Variants in CADM1 observed in about 807,000 individuals in gnomAD.
CADM1 encodes the protein TSLC-1.
CADM1 carries 15 observed loss-of-function variants against 53.1 expected under a neutral mutation model. That is an observed-to-expected ratio of 0.28 (90% confidence interval 0.19 to 0.44). The LOEUF is 0.44. CADM1 is among the 20% of genes least tolerant of loss of function. The pLI is 1.00. For synonymous variants in CADM1, 281 were observed against 243.0 expected, an observed-to-expected ratio of 1.16 and a Z score of -1.45; for missense variants, 434 against 611.3, an observed-to-expected ratio of 0.71 and a Z score of 3.06.
intron 1 of CADM1, among the ~76,000 whole-genome samples, chr11:115,268,297 G>A (rs1340763190): frequency 1.3e-5 from 2 of 152,166 alleles, no homozygotes; most frequent in African/African-American, 4.8e-5. Flanking sequence ...TTTGGCCACT[G>A]TACTAAAGTA....
chr11:115,193,235 ACTT>A (rs1939977782), intron 9 of CADM1, among the ~76,000 whole-genome samples: 1 of 152,222 alleles, frequency 6.6e-6, no homozygotes. Flanking sequence ...GTGGGAAATT[ACTT>A]CTTGTGTATT....
intron 1 of CADM1, among the ~76,000 whole-genome samples, chr11:115,419,521 A>G (rs1947700749): frequency 6.6e-6 from 1 of 152,194 alleles, no homozygotes; most frequent in Admixed American, 6.5e-5. Context: ...TTTAACAATT[A>G]TTACAAATTA....
At chr11:115,204,753 G>GC (rs1940599132) in intron 8 of CADM1, among the ~76,000 whole-genome samples, 1 of 152,110 alleles carries the variant, frequency 6.6e-6, no homozygotes, top group African/African-American at 2.4e-5. Flanking sequence ...ATCACTGAAG[G>GC]ATAAAGGCTA....
chr11:115,208,656 T>C (rs1232814015), intron 8 of CADM1, among the ~76,000 whole-genome samples: 3 of 152,194 alleles, frequency 2.0e-5, no homozygotes, highest in African/African-American at 7.2e-5. Context: ...CACAGAATAA[T>C]TACTTTCACA....
At chr11:115,430,992 G>A (rs1474354182) in intron 1 of CADM1, among the ~76,000 whole-genome samples, 1 of 152,086 alleles carries the variant, frequency 6.6e-6, no homozygotes, top group African/African-American at 2.4e-5. Flanking sequence ...ATTTTAGTTT[G>A]ATATTATCTT....
chr11:115,387,199 A>G (rs1946720664), intron 1 of CADM1, among the ~76,000 whole-genome samples: 1 of 152,236 alleles, frequency 6.6e-6, no homozygotes, highest in Non-Finnish European at 1.5e-5. Flanking sequence ...TAAAAAATAA[A>G]GTTGATCATT....
intron 10 of CADM1, among the ~76,000 whole-genome samples, chr11:115,180,299 T>A (rs1939249541): frequency 6.6e-6 from 1 of 152,194 alleles, no homozygotes; most frequent in Non-Finnish European, 1.5e-5. Flanking sequence ...TTTAAAGTGT[T>A]TCATTAAGTT....
rs145273487 is a variant in CADM1 at position 115,500,301 on chromosome 11, G to GAC, written c.124+3968_124+3969dup. ...TAAAATGCACCTTTTGCTAAAAACAGACACACACACACACACAAAATCATT... is the reference window on the plus strand; with the variant it reads ...TAAAATGCACCTTTTGCTAAAAACAGACACACACACACACACACAAAATCATT... On this transcript the variant is annotated intron_variant, in intron 1 of 11. Coordinates refer to ENST00000331581, the MANE Select transcript of CADM1 (RefSeq NM_001301043.2). Among the ~76,000 whole-genome samples, 1,158 of 151,060 alleles carry GAC rather than the reference G, an allele frequency of 7.7e-3. 13 individuals carry two copies. Among genetic ancestry groups the GAC allele is most frequent in the African/African-American group, 0.026 (1,066 of 41,168 alleles).
intron 1 of CADM1, among the ~76,000 whole-genome samples, chr11:115,242,847 A>G (rs996318246): frequency 4.6e-5 from 7 of 152,236 alleles, no homozygotes; most frequent in African/African-American, 1.7e-4. Flanking sequence ...ACTTAAAGCC[A>G]GTTGCAATTC....
chr11:115,397,040 C>T (rs976016920), intron 1 of CADM1: 30 of 151,888 alleles, frequency 2.0e-4, no homozygotes, highest in African/African-American at 7.0e-4. Context: ...ATGAATAAGC[C>T]TCGTTATGTT....
At chr11:115,491,799 G>C (rs1225624108) in intron 1 of CADM1, among the ~76,000 whole-genome samples, 1 of 152,148 alleles carries the variant, frequency 6.6e-6, no homozygotes, top group Non-Finnish European at 1.5e-5. Flanking sequence ...CATGTCCTTT[G>C]CAGGGACATG....
chr11:115,327,699 G>A (rs1354136452), intron 1 of CADM1, among the ~76,000 whole-genome samples: 1 of 151,896 alleles, frequency 6.6e-6, no homozygotes, highest in South Asian at 2.1e-4. Flanking sequence ...TTCAAAATAC[G>A]GCACTATCTC....
At chr11:115,313,568 G>GA (rs1944585700) in intron 1 of CADM1, among the ~76,000 whole-genome samples, 1 of 152,092 alleles carries the variant, frequency 6.6e-6, no homozygotes, top group African/African-American at 2.4e-5. Flanking sequence ...AACTGACTGG[G>GA]AAAAACCTAA....
chr11:115,407,973 CTTAA>C (rs1947361249), intron 1 of CADM1, among the ~76,000 whole-genome samples: 1 of 145,750 alleles, frequency 6.9e-6, no homozygotes, highest in Admixed American at 6.9e-5. Flanking sequence ...AAAAAAGCTC[CTTAA>C]TTATCAAATT....
At chr11:115,235,895 G>A (rs1010324229) in intron 3 of CADM1, among the ~76,000 whole-genome samples, 1 of 152,044 alleles carries the variant, frequency 6.6e-6, no homozygotes, top group South Asian at 2.1e-4. Flanking sequence ...AGAGTCCTAC[G>A]GTATGTTCTG....
At chr11:115,278,911 T>C (rs1028143486) in intron 1 of CADM1, among the ~76,000 whole-genome samples, 1 of 152,110 alleles carries the variant, frequency 6.6e-6, no homozygotes, top group African/African-American at 2.4e-5. Context: ...ATGCCAAGAT[T>C]GAGTCTGGAG....
chr11:115,259,589 A>G (rs1414792571), intron 1 of CADM1, among the ~76,000 whole-genome samples: 1 of 152,018 alleles, frequency 6.6e-6, no homozygotes, highest in Non-Finnish European at 1.5e-5. Flanking sequence ...TACAGGTGGG[A>G]GCCACCATGT....
Position 115,180,237 on chromosome 11 carries a change from G to C in CADM1, c.1166-1462C>G, listed in dbSNP as rs115273296. ...TGTGGGGAAATAACTCGTGACTGAG[G>C]GTTCCATGAAAAGTGCTTTAATTAA... On this transcript the variant is annotated intron_variant, in intron 10 of 11. Transcript: ENST00000331581. Among the ~76,000 whole-genome samples the C allele has an allele frequency of 7.2e-3, 1,103 of 152,214 alleles. 7 individuals are homozygous for C. The highest frequency in any genetic ancestry group is 0.025 in the African/African-American group (1,053 of 41,528).
intron 1 of CADM1, among the ~76,000 whole-genome samples, chr11:115,393,066 C>CAAAA (rs758785520): frequency 4.3e-3 from 218 of 50,186 alleles, no homozygotes; most frequent in Non-Finnish European, 7.0e-3. Context: ...CCATCTCTTC[C>CAAAA]AAAAAAAAAA....
Sources: allele counts gnomAD v4.1 joint callset (sites outside exome capture counted in the v4.1 genomes callset), GRCh38; gene constraint gnomAD v4.1.1; transcripts MANE v1.5; gene names NCBI Gene and HGNC (gene_info 2026-07-23, HGNC 2026-07-21).